The following USP12 variants were observed in gnomAD, a reference collection of about 807,000 sequenced individuals.
USP12 encodes the protein ubiquitin specific peptidase 12, also known as ubiquitin carboxyl-terminal hydrolase 12.
In USP12, 19 loss-of-function variants were observed where a neutral mutation model predicts 45.5. The observed-to-expected ratio is 0.42, with a 90% CI of 0.29 to 0.61. The LOEUF is 0.61. Ranked by LOEUF, USP12 falls within the 20% of genes least tolerant of loss-of-function variation. The pLI, the probability that USP12 is intolerant of heterozygous loss-of-function variation, is 0.22. For missense variants in USP12, 242 were observed against 447.7 expected (o/e 0.54, Z 4.15); for synonymous variants, 149 against 148.8 (o/e 1.00, Z -0.01).
At chr13:27,088,534 C>A (rs1358978916) in intron 6 of USP12, among the ~76,000 whole-genome samples, 2 of 151,874 alleles carry the variant, frequency 1.3e-5, no homozygotes, top group Non-Finnish European at 2.9e-5. Context: ...TCTCGCTGTG[C>A]CTAAATTGTT....
intron 1 of USP12, among the ~76,000 whole-genome samples, chr13:27,154,020 A>G (rs372206059): frequency 1.1e-4 from 16 of 152,338 alleles, no homozygotes; most frequent in African/African-American, 3.8e-4. Context: ...GCTTCTTCTG[A>G]TACTATCTTT....
intron 6 of USP12, among the ~76,000 whole-genome samples, chr13:27,086,174 TA>T (rs138475761): frequency 0.12 from 8,455 of 71,720 alleles, 617 homozygotes; most frequent in East Asian, 0.29. Context: ...TTTGTCTCTT[TA>T]AAAAAAAAAA....
intron 6 of USP12, among the ~76,000 whole-genome samples, chr13:27,085,945 T>A (rs917121310): frequency 2.0e-5 from 3 of 151,880 alleles, no homozygotes; most frequent in African/African-American, 7.3e-5. Context: ...GCAGGAGGAC[T>A]GCTTGAGGCC....
In USP12 at chr13:27,155,286, T is replaced by C. The variant is rs193302811; in HGVS notation, c.48+16306A>G. On this transcript the variant is annotated intron_variant, in intron 1 of 8. Coordinates refer to ENST00000282344, the MANE Select transcript of USP12 (RefSeq NM_182488.4). ...TTAGTAGAGACAGGGTTTCACCATG[T>C]TGGCCAAGATGGTCTTGATCTCCTG... 7.8e-3 allele frequency among the ~76,000 whole-genome samples: 1,186 copies of C among 151,988 alleles called. 10 individuals carry two copies. Among genetic ancestry groups the C allele is most frequent in the African/African-American group, 0.027 (1,112 of 41,428 alleles).
intron 1 of USP12, among the ~76,000 whole-genome samples, chr13:27,142,789 G>A (rs575609822): frequency 5.9e-5 from 9 of 152,040 alleles, no homozygotes; most frequent in South Asian, 2.1e-4. Flanking sequence ...AAAATCTATC[G>A]TGACACAAAA....
intron 3 of USP12, among the ~76,000 whole-genome samples, chr13:27,104,385 T>C (rs1018661776): frequency 1.3e-5 from 2 of 152,116 alleles, no homozygotes; most frequent in African/African-American, 4.8e-5. Flanking sequence ...CCATGTTCAA[T>C]TACCAAATAC....
rs1329415260 is a variant in USP12, at chr13:27,068,916, A to G, written c.*367T>C. On this transcript the variant is annotated 3_prime_UTR_variant, in exon 9 of 9. Coordinates refer to ENST00000282344, the MANE Select transcript of USP12 (RefSeq NM_182488.4). ...GTGTGTTCAACATCATCTCCTTATCAATACGGCACAGATTCCGATTCTTTC... is the reference window on the plus strand; with the variant it reads ...GTGTGTTCAACATCATCTCCTTATCGATACGGCACAGATTCCGATTCTTTC... The G allele has an allele frequency of 3.7e-6, 1 of 268,984 alleles. No homozygotes were observed. Among genetic ancestry groups the G allele is most frequent in the East Asian group, 1.1e-4 (1 of 9,438 alleles). The allele number at this position is 268,984 out of a possible 1,614,324, so 16.7% of individuals were successfully genotyped here. A position where few individuals can be genotyped will look rare whatever the true frequency, so the allele number is the denominator to read the frequency against.
At chr13:27,072,131 C>T (rs1873271795) in intron 7 of USP12, among the ~76,000 whole-genome samples, 1 of 151,290 alleles carries the variant, frequency 6.6e-6, no homozygotes, top group Admixed American at 6.6e-5. Flanking sequence ...TGGAGGATGA[C>T]ACATCAAAAC....
chr13:27,166,491 T>C (rs1878351134), intron 1 of USP12, among the ~76,000 whole-genome samples: 2 of 152,128 alleles, frequency 1.3e-5, no homozygotes, highest in African/African-American at 4.8e-5. Context: ...CAACAAGAAA[T>C]GTGACATCAT....
At chr13:27,086,193 AAAAAATATAT>A (rs1240863360) in intron 6 of USP12, among the ~76,000 whole-genome samples, 91 of 66,932 alleles carry the variant, frequency 1.4e-3, no homozygotes, top group African/African-American at 4.8e-3. Flanking sequence ...AAAAAAAAAA[AAAAAATATAT>A]ATATATATAT....
chr13:27,107,048 G>A, intron 2 of USP12, among the ~76,000 whole-genome samples: 1 of 152,196 alleles, frequency 6.6e-6, no homozygotes, highest in East Asian at 1.9e-4. Flanking sequence ...CTACTGGCCA[G>A]ACGCAGTGGC....
intron 1 of USP12, among the ~76,000 whole-genome samples, chr13:27,153,799 C>A (rs571062482): frequency 6.6e-6 from 1 of 152,280 alleles, no homozygotes; most frequent in South Asian, 2.1e-4. Context: ...TCTTTCCTGT[C>A]TTCCTTATCA....
intron 1 of USP12, among the ~76,000 whole-genome samples, chr13:27,117,360 G>C (rs1440644727): frequency 2.0e-5 from 3 of 152,096 alleles, no homozygotes; most frequent in Non-Finnish European, 4.4e-5. Flanking sequence ...CAGTGGCCTA[G>C]GAATTCTGAA....
intron 7 of USP12, among the ~76,000 whole-genome samples, 187 bp downstream of exon 7, chr13:27,075,003 AT>A (rs569734106): frequency 3.3e-4 from 50 of 152,284 alleles, no homozygotes; most frequent in African/African-American, 1.2e-3. Context: ...AAAACAATAT[AT>A]TTTAACATAT....
chr13:27,170,170 C>G (rs1878524917), intron 1 of USP12: 1 of 396,260 alleles, frequency 2.5e-6, no homozygotes, highest in Non-Finnish European at 4.4e-6. Context: ...AACAATCATC[C>G]AGTTGGGAAA....
chr13:27,155,914 T>C (rs1202297524), intron 1 of USP12, among the ~76,000 whole-genome samples: 1 of 152,256 alleles, frequency 6.6e-6, no homozygotes, highest in East Asian at 1.9e-4. Context: ...TTTATTTCTA[T>C]GTAGCTTCAA....
rs1555234499 is a variant in USP12 at position 27,103,607 on chromosome 13, A to AATAATAATAATAAT, written c.343+2123_343+2124insATTATTATTATTAT. ...GTAACTATTGAACTATCAAAAAAAAAAATAATAATAATAATAATAATAAGG... is the reference window on the plus strand; with the variant it reads ...GTAACTATTGAACTATCAAAAAAAAAATAATAATAATAATAATAATAATAATAATAATAATAAGG... On this transcript the variant is annotated intron_variant, in intron 3 of 8. Transcript: ENST00000282344. Among the ~76,000 whole-genome samples the AATAATAATAATAAT allele has an allele frequency of 2.6e-3, 335 of 128,504 alleles. 1 individual carries two copies. Among genetic ancestry groups the AATAATAATAATAAT allele is most frequent in the African/African-American group, 7.5e-3 (255 of 34,048 alleles). 84.3% of individuals were successfully genotyped at this position (128,504 alleles called of 152,430 possible).
At chr13:27,166,660 CACA>C (rs1447265890) in intron 1 of USP12, among the ~76,000 whole-genome samples, 7 of 152,020 alleles carry the variant, frequency 4.6e-5, no homozygotes, top group Non-Finnish European at 1.0e-4. Flanking sequence ...ATACACATGC[CACA>C]TAATTGAATA....
At chr13:27,120,600 C>T in intron 1 of USP12, among the ~76,000 whole-genome samples, 1 of 138,888 alleles carries the variant, frequency 7.2e-6, no homozygotes, top group East Asian at 2.1e-4. Context: ...CCAGCCTAGG[C>T]AACAAGAGCA....
Sources: gnomAD v4.1 joint callset for allele counts (sites outside exome capture counted in the v4.1 genomes callset) on GRCh38, gnomAD v4.1.1 for gene constraint, MANE v1.5 for transcripts, NCBI Gene and HGNC (gene_info 2026-07-23, HGNC 2026-07-21) for gene names.